Variants in KCNQ4 observed in about 807,000 individuals in gnomAD.
KCNQ4 encodes potassium voltage-gated channel subfamily Q member 4, also known as potassium voltage-gated channel subfamily KQT member 4.
In KCNQ4, 31 loss-of-function variants were observed where a neutral mutation model predicts 72.6. The ratio of observed to expected loss-of-function variants is 0.43; its 90% confidence interval spans 0.32 to 0.58. The LOEUF (loss-of-function observed/expected upper bound fraction) is 0.58. Ranked by LOEUF, KCNQ4 falls within the 20% of genes least tolerant of loss-of-function variation. KCNQ4 has a pLI of 0.08. For synonymous variants in KCNQ4, 405 were observed against 403.7 expected, an observed-to-expected ratio of 1.00 and a Z score of -0.04; for missense variants, 869 against 962.6, an observed-to-expected ratio of 0.90 and a Z score of 1.29.
At chr1:40,823,932 G>C (rs1379661021) in intron 8 of KCNQ4, among the ~76,000 whole-genome samples, 165 bp from the exon 9 acceptor site, 2 of 152,216 alleles carry the variant, frequency 1.3e-5, no homozygotes, top group Non-Finnish European at 2.9e-5. Context: ...GAGTGGGGAA[G>C]GCCAGTCTCC....
chr1:40,827,832 C>T (rs1318702592), intron 9 of KCNQ4, among the ~76,000 whole-genome samples: 1 of 152,206 alleles, frequency 6.6e-6, no homozygotes, highest in African/African-American at 2.4e-5. Context: ...TCTGCTTCCA[C>T]TAAAACTGGA....
At chr1:40,789,555 C>G (rs944983059) in intron 1 of KCNQ4, among the ~76,000 whole-genome samples, 2 of 152,104 alleles carry the variant, frequency 1.3e-5, no homozygotes, top group Non-Finnish European at 2.9e-5. Context: ...TCCTTGCACT[C>G]CCCTTCACGC....
intron 2 of KCNQ4, 88 bp from the exon 3 acceptor site, chr1:40,818,076 A>G (rs1450181792): frequency 1.9e-6 from 3 of 1,577,070 alleles, no homozygotes; most frequent in African/African-American, 2.7e-5. Context: ...GGTCCCCCTA[A>G]CCCAGGGACT....
chr1:40,799,430 A>C (rs895004365), intron 1 of KCNQ4, among the ~76,000 whole-genome samples: 2 of 126,764 alleles, frequency 1.6e-5, no homozygotes, highest in East Asian at 4.1e-4. Flanking sequence ...TGTGTGGGCC[A>C]TGCCCCCCCC....
chr1:40,798,468 T>C (rs959501509), intron 1 of KCNQ4, among the ~76,000 whole-genome samples: 1 of 152,252 alleles, frequency 6.6e-6, no homozygotes, highest in African/African-American at 2.4e-5. Context: ...GCTTTACTTA[T>C]TGTTTGTTCA....
Position 40,818,629 on chromosome 1 carries a change from C to A in KCNQ4, c.657C>A (p.Arg219=). The change falls in exon 4 of 14, where the codon CGC becomes CGA. Residue 219 remains arginine (R), a synonymous_variant. Transcript: ENST00000347132. ...LQILRMVRMD[R]RGGTWKLLGS... ...TCCTGCGCATGGTGCGCATGGACCG[C>A]CGCGGCGGCACCTGGAAGCTGCTGG... 7 of 1,606,824 alleles carry A rather than the reference C, an allele frequency of 4.4e-6. No individual in the cohort carries two copies. The highest frequency in any genetic ancestry group is 5.9e-6 in the Non-Finnish European group (7 of 1,179,480).
chr1:40,789,626 G>A (rs755748287), intron 1 of KCNQ4, among the ~76,000 whole-genome samples: 9 of 152,032 alleles, frequency 5.9e-5, no homozygotes, highest in Non-Finnish European at 1.0e-4. Context: ...ATCTCTCACT[G>A]ACGGCCCACC....
At position 40,784,636 on chromosome 1, in the gene KCNQ4, C is replaced by T. The variant is rs1647185745; in HGVS notation, c.314+229C>T. 6.6e-6 allele frequency among the ~76,000 whole-genome samples: 1 copy of T among 152,180 alleles called. No homozygotes were observed. The highest frequency in any genetic ancestry group is 2.1e-4 in the South Asian group (1 of 4,838). ...GACCTCGCTTCTGACCTCCCCGCAC[C>T]GCAACTGCTTATTTCCATCCTGACC... On this transcript the variant is annotated intron_variant, in intron 1 of 13. Coordinates refer to ENST00000347132, the MANE Select transcript of KCNQ4 (RefSeq NM_004700.4). The surrounding 1 kb of genome is among the most constrained non-coding windows in gnomAD (Gnocchi z 4.1).
intron 5 of KCNQ4, 142 bp downstream of exon 5, chr1:40,819,614 C>A: frequency 8.6e-7 from 1 of 1,167,712 alleles, no homozygotes; most frequent in Non-Finnish European, 1.2e-6. Flanking sequence ...CCCCCTGAGA[C>A]CAGCCCCAAT....
Position 40,817,372 on chromosome 1 carries a change from C to T in KCNQ4, c.405+17C>T, listed in dbSNP as rs376942864. ...CTCATCTTGGTAAGTGCTGGGAGTCCGGGACTGAGGGGGGCTGTGTGAGGT... is the reference window on the plus strand; with the variant it reads ...CTCATCTTGGTAAGTGCTGGGAGTCTGGGACTGAGGGGGGCTGTGTGAGGT... On this transcript the variant is annotated intron_variant, in intron 2 of 13. Coordinates refer to ENST00000347132, the MANE Select transcript of KCNQ4 (RefSeq NM_004700.4). This position sits in a 1 kb window ranked among gnomAD's most constrained non-coding sequence, Gnocchi z 5.5. The T allele has an allele frequency of 4.4e-6, 7 of 1,603,280 alleles. No individual in the cohort carries two copies. Among genetic ancestry groups the T allele is most frequent in the East Asian group, 2.2e-5 (1 of 44,788 alleles).
At chr1:40,814,560 C>T (rs532195348) in intron 1 of KCNQ4, among the ~76,000 whole-genome samples, 10 of 151,992 alleles carry the variant, frequency 6.6e-5, no homozygotes, top group East Asian at 1.9e-4. Context: ...AAAAATTAGC[C>T]GGGTGTGGTG....
At chr1:40,820,138 T>C in intron 6 of KCNQ4, 27 bp from the exon 7 acceptor site, 1 of 1,589,680 alleles carries the variant, frequency 6.3e-7, no homozygotes, top group Non-Finnish European at 8.6e-7. Context: ...GCCAGCACAT[T>C]CCCCCAACCA....
rs1299717259 is a variant in KCNQ4, at chr1:40,831,287, C to T, written c.1496C>T (p.Pro499Leu). ...TRFRASLRLK[P>L]RTSAEDAPSE... Reference sequence around the variant, plus strand: ...TTCCGGGCATCTCTGAGACTCAAACCCCGCACCTCTGCTGAGGGTAAGCCC... The same window carrying T: ...TTCCGGGCATCTCTGAGACTCAAACTCCGCACCTCTGCTGAGGGTAAGCCC... The change falls in exon 10 of 14, where the codon CCC becomes CTC. Residue 499 changes from proline to leucine, a missense_variant. Pro to Leu is a moderately conservative substitution (Grantham distance 98, BLOSUM62 -3). Coordinates refer to ENST00000347132, the MANE Select transcript of KCNQ4 (RefSeq NM_004700.4). The T allele has an allele frequency of 6.2e-6, 10 of 1,601,966 alleles. No individual in the cohort carries two copies. Among genetic ancestry groups the T allele is most frequent in the Middle Eastern group, 1.7e-4 (1 of 6,054 alleles).
intron 8 of KCNQ4, among the ~76,000 whole-genome samples, chr1:40,823,491 A>T (rs1570837365): frequency 6.6e-6 from 1 of 152,090 alleles, no homozygotes; most frequent in East Asian, 1.9e-4. Flanking sequence ...TAGTCTGGAG[A>T]TTCTGGATCC....
chr1:40,830,990 G>T lies in KCNQ4; in HGVS notation c.1293-94G>T. 2 of 1,073,900 alleles carry T rather than the reference G, an allele frequency of 1.9e-6. 1 individual carries two copies. The highest frequency in any genetic ancestry group is 2.8e-6 in the Non-Finnish European group (2 of 716,760). 66.5% of individuals were successfully genotyped at this position (1,073,900 alleles called of 1,614,324 possible). On this transcript the variant is annotated intron_variant, in intron 9 of 13. Coordinates refer to ENST00000347132, the MANE Select transcript of KCNQ4 (RefSeq NM_004700.4). The stretch of plus-strand genomic sequence containing the variant: ...CTTGGCGGGGAATCCAGACCTAATA[G>T]CCACCCCCAAGTCCTAAGTCAGCTT...
chr1:40,798,905 G>A (rs1286152015), intron 1 of KCNQ4, among the ~76,000 whole-genome samples: 2 of 152,284 alleles, frequency 1.3e-5, no homozygotes, highest in Non-Finnish European at 2.9e-5. Context: ...GGGCAAAGGA[G>A]CTGGCTGTGG....
At position 40,794,194 on chromosome 1, in the gene KCNQ4, C is replaced by T. The variant is rs1196728114; in HGVS notation, c.314+9787C>T. ...AGCAAAGGCCTTGAGATGGGACTTC[C>T]TTCCCCTCACTCCTTTGCCCCAAGA... On this transcript the variant is annotated intron_variant, in intron 1 of 13. Coordinates refer to ENST00000347132, the MANE Select transcript of KCNQ4 (RefSeq NM_004700.4). This position sits in a 1 kb window ranked among gnomAD's most constrained non-coding sequence, Gnocchi z 4.2. 6.6e-6 allele frequency among the ~76,000 whole-genome samples: 1 copy of T among 152,146 alleles called. No individual in the cohort carries two copies. The highest frequency in any genetic ancestry group is 1.5e-5 in the Non-Finnish European group (1 of 68,020).
intron 1 of KCNQ4, among the ~76,000 whole-genome samples, chr1:40,802,919 G>A (rs980456789): frequency 6.6e-6 from 1 of 152,182 alleles, no homozygotes; most frequent in Admixed American, 6.5e-5. Context: ...GCAGAGCAGA[G>A]CTGAATTCAA....
At position 40,817,246 on chromosome 1, in the gene KCNQ4, C is replaced by G; in HGVS notation, c.315-19C>G. 6.2e-7 allele frequency: 1 copy of G among 1,607,728 alleles called. No individual in the cohort carries two copies. The highest frequency in any genetic ancestry group is 8.5e-7 in the Non-Finnish European group (1 of 1,175,090). On this transcript the variant is annotated intron_variant, in intron 1 of 13. Coordinates refer to ENST00000347132, the MANE Select transcript of KCNQ4 (RefSeq NM_004700.4). The surrounding 1 kb of genome is among the most constrained non-coding windows in gnomAD (Gnocchi z 5.5). ...GTCCCTCCAACAATCTAACCCTCTC[C>G]CTCATGTTGTAATTGCAGATTTTTG...
Sources: gnomAD v4.1 joint callset for allele counts (sites outside exome capture counted in the v4.1 genomes callset) on GRCh38, gnomAD v4.1.1 for gene constraint, Gnocchi (gnomAD v3.1) non-coding constraint, MANE v1.5 for transcripts, NCBI Gene and HGNC (gene_info 2026-07-23, HGNC 2026-07-21) for gene names.